RGS21: variants seen among roughly 807,000 people sequenced by gnomAD.
RGS21 encodes the protein regulator of G-protein signalling 21.
Under a neutral mutation model 18.7 loss-of-function variants are expected in RGS21, and 19 were observed. The ratio of observed to expected loss-of-function variants is 1.01; its 90% CI spans 0.71 to 1.49. RGS21 has a LOEUF of 1.49. RGS21 is among the 40% of genes most tolerant of loss of function. The pLI is 0.00. For synonymous variants in RGS21, 56 were observed against 57.8 expected, an observed-to-expected ratio of 0.97 and a Z score of 0.14; for missense variants, 194 against 176.8, an observed-to-expected ratio of 1.10 and a Z score of -0.55.
intron 4 of RGS21, 113 bp downstream of exon 4, chr1:192,352,326 A>G: frequency 3.0e-6 from 2 of 655,798 alleles, no homozygotes; most frequent in Non-Finnish European, 2.3e-6. Context: ...GTGTTTAAAT[A>G]GAAAATGTCA....
chr1:192,331,150 A>C (rs557619101), intron 1 of RGS21, among the ~76,000 whole-genome samples: 1 of 152,320 alleles, frequency 6.6e-6, no homozygotes, highest in East Asian at 1.9e-4. Flanking sequence ...CATTCTTGTT[A>C]ATGTCCGGCT....
chr1:192,366,713 T>C lies in RGS21; in HGVS notation c.*589T>C, dbSNP rs896715339. On this transcript the variant is annotated 3_prime_UTR_variant, in exon 5 of 5. Transcript: ENST00000417209. ...CCATGGACCAAAGTTTTTCAAAATA[T>C]ATCACTTGGCTCAATTCAATGGCAT... 2.0e-5 allele frequency: 3 copies of C among 152,090 alleles called. No individual in the cohort carries two copies. Among genetic ancestry groups the C allele is most frequent in the African/African-American group, 4.8e-5 (2 of 41,440 alleles). 9.4% of individuals were successfully genotyped at this position (152,090 alleles called of 1,614,324 possible).
intron 1 of RGS21, among the ~76,000 whole-genome samples, chr1:192,337,605 G>A (rs879635825): frequency 1.1e-4 from 17 of 151,968 alleles, no homozygotes; most frequent in Admixed American, 5.3e-4. Flanking sequence ...GTGTATACAC[G>A]ATGGCAACAC....
intron 1 of RGS21, among the ~76,000 whole-genome samples, chr1:192,317,520 CT>C (rs5779616): frequency 0.48 from 72,241 of 151,506 alleles, 18,234 homozygotes; most frequent in African/African-American, 0.63. Flanking sequence ...ATAATAACAT[CT>C]TTCTCAAGGA....
At chr1:192,350,372 G>A (rs1659022763) in intron 3 of RGS21, among the ~76,000 whole-genome samples, 1 of 152,156 alleles carries the variant, frequency 6.6e-6, no homozygotes, top group Non-Finnish European at 1.5e-5. Context: ...TCTGCAGGCA[G>A]CAGCCCATAA....
Position 192,337,959 on chromosome 1 carries a change from A to G in RGS21, c.-60-5018A>G, listed in dbSNP as rs137882488. On this transcript the variant is annotated intron_variant, in intron 1 of 4. Coordinates refer to ENST00000417209, the MANE Select transcript of RGS21 (RefSeq NM_001039152.3). ...TAAATATTTTATTTTACTAAGGCAG[A>G]TATTTCTTTGACTATCAATGATAGT... Among the ~76,000 whole-genome samples the G allele has an allele frequency of 6.6e-5, 10 of 152,312 alleles. No individual in the cohort carries two copies. The East Asian group carries it at 1.9e-3, about 29-fold the overall frequency.
chr1:192,334,850 A>G (rs1181894825), intron 1 of RGS21, among the ~76,000 whole-genome samples: 3 of 152,216 alleles, frequency 2.0e-5, no homozygotes, highest in Non-Finnish European at 4.4e-5. Flanking sequence ...CCCTTCCCCC[A>G]ACAAGATTGG....
At position 192,347,257 on chromosome 1, in the gene RGS21, C is replaced by T. The variant is rs1045000524; in HGVS notation, c.12-56C>T. The T allele has an allele frequency of 1.8e-5, 19 of 1,044,992 alleles. No individual in the cohort carries two copies. The Admixed American group carries it at 1.9e-4, about 11-fold the overall frequency. The allele number at this position is 1,044,992 out of a possible 1,614,324, so 64.7% of individuals were successfully genotyped here. A position where few individuals can be genotyped will look rare whatever the true frequency, so the allele number is the denominator to read the frequency against. ...GATGTAACTCAAAATACATGTAACTCGAATATTACTATTGGTTAAAGAAGA... is the reference window on the plus strand; with the variant it reads ...GATGTAACTCAAAATACATGTAACTTGAATATTACTATTGGTTAAAGAAGA... On this transcript the variant is annotated intron_variant, in intron 2 of 4. Coordinates refer to ENST00000417209, the MANE Select transcript of RGS21 (RefSeq NM_001039152.3).
chr1:192,328,873 A>G (rs1401855302), intron 1 of RGS21, among the ~76,000 whole-genome samples: 1 of 152,140 alleles, frequency 6.6e-6, no homozygotes, highest in Non-Finnish European at 1.5e-5. Context: ...ATGTACAAGA[A>G]TCATATTTAT....
Position 192,346,490 on chromosome 1 carries a change from C to T in RGS21, c.12-823C>T, listed in dbSNP as rs186321644. ...TGCACATCACAGCTACATAATCCAA[C>T]GTGGTTTTATTTCTGGGCAGCAGAT... is the stretch of plus-strand genomic sequence containing the variant. On this transcript the variant is annotated intron_variant, in intron 2 of 4. Coordinates refer to ENST00000417209, the MANE Select transcript of RGS21 (RefSeq NM_001039152.3). Among the ~76,000 whole-genome samples, 296 of 152,112 alleles carry T rather than the reference C, an allele frequency of 1.9e-3. 3 individuals are homozygous for T. Among genetic ancestry groups the T allele is most frequent in the Admixed American group, 0.016 (251 of 15,246 alleles).
At chr1:192,361,281 CT>C (rs1659184321) in intron 4 of RGS21, among the ~76,000 whole-genome samples, 1 of 151,804 alleles carries the variant, frequency 6.6e-6, no homozygotes, top group South Asian at 2.1e-4. Flanking sequence ...GACAAAATCA[CT>C]AAGGAAAAAG....
intron 4 of RGS21, among the ~76,000 whole-genome samples, chr1:192,357,018 G>A (rs1204319497): frequency 1.3e-5 from 2 of 151,678 alleles, no homozygotes; most frequent in Admixed American, 1.3e-4. Flanking sequence ...CCCATACTCT[G>A]GTAGAAAGAC....
intron 1 of RGS21, among the ~76,000 whole-genome samples, chr1:192,340,075 A>G (rs1044731933): frequency 6.6e-6 from 1 of 152,126 alleles, no homozygotes; most frequent in Admixed American, 6.6e-5. Flanking sequence ...ATTCTCCAGA[A>G]TGACCAATTT....
At chr1:192,329,745 C>G (rs1658618848) in intron 1 of RGS21, among the ~76,000 whole-genome samples, 1 of 143,492 alleles carries the variant, frequency 7.0e-6, no homozygotes, top group African/African-American at 2.7e-5. Context: ...AAAAGGGGGT[C>G]AGCATAGGCA....
At chr1:192,359,056 G>A (rs951201813) in intron 4 of RGS21, among the ~76,000 whole-genome samples, 1 of 152,052 alleles carries the variant, frequency 6.6e-6, no homozygotes, top group African/African-American at 2.4e-5. Context: ...CATCTCAGCT[G>A]TCATTTTCTA....
At chr1:192,352,236 G>C in intron 4 of RGS21, 23 bp downstream of exon 4, 1 of 1,553,096 alleles carries the variant, frequency 6.4e-7, no homozygotes, top group South Asian at 1.2e-5. Context: ...CTTCAGAACA[G>C]TGAAGAGTCA....
In RGS21 at chr1:192,359,653, G is replaced by GTATATATATATATATATATATATATA. The variant is rs1202366412; in HGVS notation, c.256-6267_256-6266insATATATATATATATATATATATATAT. On this transcript the variant is annotated intron_variant, in intron 4 of 4. Coordinates refer to ENST00000417209, the MANE Select transcript of RGS21 (RefSeq NM_001039152.3). ...TATATATATGTTTATATGTGTGTGT[G>GTATATATATATATATATATATATATA]TGTATATATATATATATATATATAT... is the stretch of plus-strand genomic sequence containing the variant. 1.2e-3 allele frequency among the ~76,000 whole-genome samples: 127 copies of GTATATATATATATATATATATATATA among 104,398 alleles called. 1 individual carries two copies. Among genetic ancestry groups the GTATATATATATATATATATATATATA allele is most frequent in the South Asian group, 1.9e-3 (6 of 3,190 alleles). 68.5% of individuals were successfully genotyped at this position (104,398 alleles called of 152,430 possible).
intron 1 of RGS21, among the ~76,000 whole-genome samples, chr1:192,320,948 C>A (rs1658490034): frequency 1.3e-5 from 2 of 151,856 alleles, no homozygotes; most frequent in South Asian, 4.2e-4. Flanking sequence ...CATTTATAAA[C>A]CTTGCAATTA....
At chr1:192,331,973 T>C (rs12124127) in intron 1 of RGS21, among the ~76,000 whole-genome samples, 73,347 of 151,520 alleles carry the variant, frequency 0.48, 18,876 homozygotes, top group African/African-American at 0.65. Flanking sequence ...TTATTTGATG[T>C]AAAAAAAATA....
Sources: gnomAD v4.1 joint callset for allele counts (sites outside exome capture counted in the v4.1 genomes callset) on GRCh38, gnomAD v4.1.1 for gene constraint, MANE v1.5 for transcripts, NCBI Gene and HGNC (gene_info 2026-07-23, HGNC 2026-07-21) for gene names.